Variants in RBMS3 observed in about 807,000 individuals in gnomAD.
RBMS3 encodes RNA-binding motif, single-stranded-interacting protein 3.
Under a neutral mutation model 66.8 loss-of-function variants are expected in RBMS3, and 27 were observed. The ratio of observed to expected loss-of-function variants is 0.40; its 90% CI spans 0.30 to 0.56. The LOEUF (loss-of-function observed/expected upper bound fraction) is 0.56, where lower values mean the gene tolerates loss of function less well. Ranked by LOEUF, RBMS3 falls within the 20% of genes least tolerant of loss-of-function variation. RBMS3 has a pLI of 0.40. For missense variants in RBMS3, 513 were observed against 549.5 expected, an observed-to-expected ratio of 0.93 and a Z score of 0.66; for synonymous variants, 188 against 183.0, an observed-to-expected ratio of 1.03 and a Z score of -0.22.
intron 3 of RBMS3, among the ~76,000 whole-genome samples, chr3:29,571,063 T>C (rs1331955107): frequency 6.6e-6 from 1 of 152,186 alleles, no homozygotes; most frequent in Admixed American, 6.5e-5. Context: ...TTGATTTGCA[T>C]TTCTCTGATG....
chr3:29,299,605 G>A (rs1389206413), intron 1 of RBMS3, among the ~76,000 whole-genome samples: 2 of 151,630 alleles, frequency 1.3e-5, no homozygotes, highest in East Asian at 3.9e-4. Context: ...AAATAACAAA[G>A]CAATAGTAAA....
chr3:29,458,192 T>G (rs535821106), intron 2 of RBMS3, among the ~76,000 whole-genome samples: 2 of 152,308 alleles, frequency 1.3e-5, no homozygotes, highest in Admixed American at 6.5e-5. Flanking sequence ...GTCTTATTTA[T>G]TACTGAGTAC....
intron 12 of RBMS3, among the ~76,000 whole-genome samples, chr3:29,980,266 C>T (rs1469259734): frequency 3.9e-5 from 6 of 152,130 alleles, no homozygotes; most frequent in African/African-American, 1.4e-4. Flanking sequence ...ATCCTTCACC[C>T]ACTTTTTGAT....
intron 2 of RBMS3, among the ~76,000 whole-genome samples, chr3:29,443,738 G>A (rs1399943504): frequency 6.6e-6 from 1 of 152,168 alleles, no homozygotes; most frequent in Non-Finnish European, 1.5e-5. Flanking sequence ...CAGGAAGGAG[G>A]TGGTGATGGC....
chr3:29,970,111 TA>T (rs1328287366), intron 12 of RBMS3, among the ~76,000 whole-genome samples: 1 of 152,146 alleles, frequency 6.6e-6, no homozygotes, highest in African/African-American at 2.4e-5. Flanking sequence ...TGGTTTTCAG[TA>T]AAAATTGTAT....
chr3:29,971,989 A>T (rs1170766841), intron 12 of RBMS3, among the ~76,000 whole-genome samples: 1 of 152,194 alleles, frequency 6.6e-6, no homozygotes, highest in Non-Finnish European at 1.5e-5. Flanking sequence ...ATAGCCAAAC[A>T]TAATTGAGAT....
intron 4 of RBMS3, among the ~76,000 whole-genome samples, chr3:29,643,335 A>G (rs1302767674): frequency 6.6e-6 from 1 of 152,104 alleles, no homozygotes; most frequent in African/African-American, 2.4e-5. Flanking sequence ...GGGAGCTTTT[A>G]GGAACAAGGT....
chr3:29,713,581 G>A (rs568441161), intron 4 of RBMS3, among the ~76,000 whole-genome samples: 16 of 152,126 alleles, frequency 1.1e-4, no homozygotes, highest in Admixed American at 2.6e-4. Context: ...TTAGTTTTTG[G>A]CCAGGAAACT....
intron 1 of RBMS3, among the ~76,000 whole-genome samples, chr3:29,361,165 T>A (rs969491315): frequency 6.6e-6 from 1 of 152,110 alleles, no homozygotes; most frequent in Non-Finnish European, 1.5e-5. Flanking sequence ...CAATTTAGCA[T>A]GTTTTTGCAG....
chr3:29,669,532 A>G (rs2050906021), intron 4 of RBMS3, among the ~76,000 whole-genome samples: 2 of 152,192 alleles, frequency 1.3e-5, no homozygotes, highest in Non-Finnish European at 2.9e-5. Context: ...TAAAAAAATC[A>G]GGATATTTTT....
At chr3:29,745,870 A>G (rs2054869171) in intron 5 of RBMS3, among the ~76,000 whole-genome samples, 1 of 149,358 alleles carries the variant, frequency 6.7e-6, no homozygotes, top group African/African-American at 2.5e-5. Flanking sequence ...TAAATAAATA[A>G]TTTAAGTTTT....
chr3:29,655,977 G>A (rs935913001), intron 4 of RBMS3, among the ~76,000 whole-genome samples: 7 of 151,462 alleles, frequency 4.6e-5, no homozygotes, highest in African/African-American at 1.5e-4. Flanking sequence ...GTAAAAAATA[G>A]CAGAAAGCTT....
chr3:30,002,836 T>C (rs1699671633), intron 14 of RBMS3, among the ~76,000 whole-genome samples: 2 of 151,992 alleles, frequency 1.3e-5, no homozygotes, highest in South Asian at 2.1e-4. Context: ...ACACTGTGAA[T>C]TGGGGTTACA....
chr3:29,483,559 T>G lies in RBMS3; in HGVS notation c.249-4882T>G, dbSNP rs567289669. 2.6e-5 allele frequency among the ~76,000 whole-genome samples: 4 copies of G among 152,270 alleles called. No individual in the cohort carries two copies. The East Asian group carries it at 7.8e-4, about 30-fold the overall frequency. On this transcript the variant is annotated intron_variant, in intron 2 of 14. Transcript: ENST00000383767. ...TAGCAACCTGTGTTGATAAGCCTCC[T>G]AAGAGGTTCTGCTGCCCGTTAAACA...
At chr3:29,502,603 C>A (rs35875) in intron 3 of RBMS3, among the ~76,000 whole-genome samples, 76,283 of 151,830 alleles carry the variant, frequency 0.5, 20,204 homozygotes, top group East Asian at 0.67. Flanking sequence ...AAACATGGAG[C>A]TGGCACTATG....
intron 2 of RBMS3, among the ~76,000 whole-genome samples, chr3:29,457,147 A>ATCTTCTACACCTCCCTTCT (rs1292658642): frequency 6.6e-6 from 1 of 152,166 alleles, no homozygotes; most frequent in African/African-American, 2.4e-5. Flanking sequence ...TCTGGCAGAC[A>ATCTTCTACACCTCCCTTCT]TCTTCTACAC....
At chr3:29,815,632 C>T (rs2057866652) in intron 6 of RBMS3, among the ~76,000 whole-genome samples, 2 of 152,138 alleles carry the variant, frequency 1.3e-5, no homozygotes, top group African/African-American at 4.8e-5. Flanking sequence ...ATGTCTTTTG[C>T]AGCAACTCGA....
intron 7 of RBMS3, among the ~76,000 whole-genome samples, chr3:29,875,360 A>G (rs1364853197): frequency 6.6e-6 from 1 of 151,948 alleles, no homozygotes; most frequent in Non-Finnish European, 1.5e-5. Flanking sequence ...AGCAATCTCA[A>G]AGTTGTATAT....
chr3:29,807,643 A>T (rs975550118), intron 6 of RBMS3, among the ~76,000 whole-genome samples: 8 of 151,942 alleles, frequency 5.3e-5, no homozygotes, highest in African/African-American at 1.9e-4. Flanking sequence ...ACAGACATTT[A>T]AAAAGAAATG....
Sources: gnomAD v4.1 joint callset for allele counts (sites outside exome capture counted in the v4.1 genomes callset) on GRCh38, gnomAD v4.1.1 for gene constraint, MANE v1.5 for transcripts, NCBI Gene and HGNC (gene_info 2026-07-23, HGNC 2026-07-21) for gene names.